MVK: variants seen among roughly 807,000 people sequenced by gnomAD.
MVK encodes mevalonate kinase, also known as LH receptor mRNA-binding protein.
Under a neutral mutation model 43.2 loss-of-function variants are expected in MVK, and 34 were observed. The observed-to-expected ratio is 0.79, with a 90% CI of 0.60 to 1.05. MVK has a LOEUF of 1.05. Ranked by LOEUF, MVK falls within the 50% of genes least tolerant of loss-of-function variation. The pLI is 0.00. For synonymous variants in MVK, 190 were observed against 219.8 expected, an observed-to-expected ratio of 0.86 and a Z score of 1.20; for missense variants, 395 against 504.0, an observed-to-expected ratio of 0.78 and a Z score of 2.07.
chr12:109,584,422 G>C (rs921912996), intron 5 of MVK, among the ~76,000 whole-genome samples: 3 of 152,188 alleles, frequency 2.0e-5, no homozygotes, highest in African/African-American at 7.2e-5. Context: ...TTTGAGGGGA[G>C]CACATCCTAT....
At chr12:109,590,742 T>C in intron 7 of MVK, 29 bp from the exon 8 acceptor site, 1 of 1,606,168 alleles carries the variant, frequency 6.2e-7, no homozygotes, top group South Asian at 1.1e-5. Flanking sequence ...TTGAGTTCAG[T>C]GTGGACCTGC....
At chr12:109,580,186 T>G (rs1379578862) in intron 4 of MVK, among the ~76,000 whole-genome samples, 2 of 152,184 alleles carry the variant, frequency 1.3e-5, no homozygotes, top group Non-Finnish European at 2.9e-5. Flanking sequence ...GACTCCAGCC[T>G]CGACCTCCCA....
Position 109,573,826 on chromosome 12 carries a change from G to A in MVK, c.-62G>A. 8.3e-6 allele frequency: 2 copies of A among 241,400 alleles called. 1 individual carries two copies. The highest frequency in any genetic ancestry group is 1.2e-4 in the South Asian group (2 of 17,066). The allele number at this position is 241,400 out of a possible 1,614,324, so 15.0% of individuals were successfully genotyped here. A position where few individuals can be genotyped will look rare whatever the true frequency, so the allele number is the denominator to read the frequency against. On this transcript the variant is annotated 5_prime_UTR_variant, in exon 1 of 11. Coordinates refer to ENST00000228510, the MANE Select transcript of MVK (RefSeq NM_000431.4). ...GTTGTGGGAGTTGGGGAGCTGCTCCGGCTTCGGCGCGGAGGGGCGGCGGCC... is the reference window on the plus strand; with the variant it reads ...GTTGTGGGAGTTGGGGAGCTGCTCCAGCTTCGGCGCGGAGGGGCGGCGGCC...
upstream of MVK, chr12:109,573,423 C>G (rs1566139259): frequency 6.2e-7 from 1 of 1,609,914 alleles, no homozygotes; most frequent in Admixed American, 1.7e-5. Context: ...CCGAAGCACC[C>G]GCGCAGGCCA....
Position 109,595,281 on chromosome 12 carries a change from C to T in MVK, c.1039+100C>T. 6.8e-7 allele frequency: 1 copy of T among 1,477,594 alleles called. No homozygotes were observed. Among genetic ancestry groups the T allele is most frequent in the African/African-American group, 1.4e-5 (1 of 71,254 alleles). 91.5% of individuals were successfully genotyped at this position (1,477,594 alleles called of 1,614,324 possible). ...AGGAAAAAGAGACCTGGAAACAGGT[C>T]TCAGCTCCGCTGTGTGGCCTTGGGC... On this transcript the variant is annotated intron_variant, in intron 10 of 10. Transcript: ENST00000228510. The surrounding 1 kb of genome is among the most constrained non-coding windows in gnomAD (Gnocchi z 5.9).
At chr12:109,573,460 C>T (rs1206361856), upstream of MVK, 1 of 1,606,156 alleles carries the variant, frequency 6.2e-7, no homozygotes, top group African/African-American at 1.3e-5. Context: ...CAAGACGGCT[C>T]CCCAGGCCGC....
At chr12:109,575,422 C>CTT (rs1301316263) in intron 2 of MVK, among the ~76,000 whole-genome samples, 7 of 143,436 alleles carry the variant, frequency 4.9e-5, no homozygotes, top group Admixed American at 7.0e-5. Context: ...CTGCACTCTG[C>CTT]TTTTTTTTTT....
chr12:109,580,842 G>A (rs1054957207), intron 4 of MVK, among the ~76,000 whole-genome samples: 13 of 152,194 alleles, frequency 8.5e-5, no homozygotes, highest in African/African-American at 2.2e-4. Context: ...ACCGTCTGGC[G>A]GGAGAGGCCC....
intron 3 of MVK, among the ~76,000 whole-genome samples, chr12:109,579,589 G>C (rs1306443749): frequency 1.3e-5 from 2 of 152,208 alleles, no homozygotes; most frequent in African/African-American, 4.8e-5. Flanking sequence ...GTTCAGGGAG[G>C]TTAAGTCACA....
intron 2 of MVK, 145 bp downstream of exon 2, chr12:109,575,045 T>C: frequency 1.2e-6 from 1 of 802,574 alleles, no homozygotes; most frequent in Non-Finnish European, 2.1e-6. Context: ...GGAAAAGATT[T>C]CTTATGCCCA....
intron 9 of MVK, among the ~76,000 whole-genome samples, chr12:109,592,171 G>A (rs1335827388): frequency 1.3e-5 from 2 of 152,220 alleles, no homozygotes; most frequent in Non-Finnish European, 2.9e-5. Context: ...TTGAGCCCAG[G>A]AGGTCAAGTT....
chr12:109,573,392 G>C, upstream of MVK: 1 of 1,612,332 alleles, frequency 6.2e-7, no homozygotes, highest in Non-Finnish European at 8.5e-7. Flanking sequence ...CTGGAAACGG[G>C]GATACAGGAG....
At position 109,596,770 on chromosome 12, in the gene MVK, C is replaced by A; in HGVS notation, c.*193C>A. ...CTAGGGAGGCATGGTCTGCCCTCTG[C>A]ATCCTCTGGAGCCAGCCGAGCAGGA... is the stretch of plus-strand genomic sequence containing the variant. On this transcript the variant is annotated 3_prime_UTR_variant, in exon 11 of 11. Coordinates refer to ENST00000228510, the MANE Select transcript of MVK (RefSeq NM_000431.4). The A allele has an allele frequency of 1.2e-6, 1 of 810,188 alleles. No homozygotes were observed. Among genetic ancestry groups the A allele is most frequent in the Non-Finnish European group, 2.0e-6 (1 of 511,014 alleles). 50.2% of individuals were successfully genotyped at this position (810,188 alleles called of 1,614,324 possible).
rs104895335 is a variant in MVK, at chr12:109,574,882, T to C, written c.60T>C (p.His20=). ...APGKVILHGE[H]AVVHGKVALA... ...GGAAAGTCATCCTTCATGGAGAACATGCCGTGGTACATGGCAAGGTACAAA... is the reference window on the plus strand; with the variant it reads ...GGAAAGTCATCCTTCATGGAGAACACGCCGTGGTACATGGCAAGGTACAAA... Residue 20 remains histidine (H), a synonymous_variant, in exon 2 of 11, where the codon CAT becomes CAC. Transcript: ENST00000228510. 10 of 1,609,924 alleles carry C rather than the reference T, an allele frequency of 6.2e-6. No individual in the cohort carries two copies. The highest frequency in any genetic ancestry group is 4.0e-5 in the African/African-American group (3 of 74,860).
intron 5 of MVK, among the ~76,000 whole-genome samples, chr12:109,584,609 G>A (rs896756622): frequency 6.6e-6 from 1 of 152,206 alleles, no homozygotes; most frequent in African/African-American, 2.4e-5. Flanking sequence ...CACTGGCTGG[G>A]CACGGTGGCT....
chr12:109,573,339 C>T, upstream of MVK: 1 of 1,613,238 alleles, frequency 6.2e-7, no homozygotes, highest in Non-Finnish European at 8.5e-7. Flanking sequence ...TTCCCGCCAG[C>T]CACTCACCTG....
At chr12:109,589,470 A>G (rs186030603) in intron 7 of MVK, 2 of 152,266 alleles carry the variant, frequency 1.3e-5, no homozygotes, top group East Asian at 3.9e-4. Context: ...TAAAGAAAAA[A>G]TGCATTGTTT....
rs1182965359 is a variant in MVK, at chr12:109,590,824, G to C, written c.731G>C (p.Arg244Thr). Reference sequence around the variant, plus strand: ...AACACCAAAGTCCCTCGCAATACCAGGGCCCTTGTGGCTGGCGTCAGAAAC... The same window carrying C: ...AACACCAAAGTCCCTCGCAATACCACGGCCCTTGTGGCTGGCGTCAGAAAC... ...LTNTKVPRNT[R>T]ALVAGVRNRL... The change falls in exon 8 of 11, where the codon AGG (arginine) becomes ACG (threonine). Residue 244 changes from arginine (R) to threonine (T), a missense_variant. Physicochemically the swap from Arg to Thr is moderately conservative, Grantham distance 71. Coordinates refer to ENST00000228510, the MANE Select transcript of MVK (RefSeq NM_000431.4). 1 of 1,614,078 alleles carries C rather than the reference G, an allele frequency of 6.2e-7. No homozygotes were observed. Among genetic ancestry groups the C allele is most frequent in the South Asian group, 1.1e-5 (1 of 91,088 alleles).
intron 5 of MVK, among the ~76,000 whole-genome samples, chr12:109,583,503 G>C (rs1012671385): frequency 7.9e-5 from 12 of 152,136 alleles, no homozygotes; most frequent in Non-Finnish European, 1.5e-4. Context: ...TATCATTGTT[G>C]GACATTTGGG....
Sources: allele counts gnomAD v4.1 joint callset (sites outside exome capture counted in the v4.1 genomes callset), GRCh38; gene constraint gnomAD v4.1.1; non-coding constraint Gnocchi (gnomAD v3.1); transcripts MANE v1.5; gene names NCBI Gene and HGNC (gene_info 2026-07-23, HGNC 2026-07-21).